NRCAM: variants seen among roughly 807,000 people sequenced by gnomAD.
NRCAM encodes the protein NgCAM-related cell adhesion molecule.
NRCAM carries 83 observed loss-of-function variants against 156.5 expected under a neutral mutation model. The observed-to-expected ratio is 0.53, with a 90% CI of 0.44 to 0.64. NRCAM has a LOEUF of 0.64. Among genes scored for constraint, NRCAM ranks in the 30% least tolerant of loss-of-function variants. NRCAM has a pLI of 0.00. For missense variants in NRCAM, 1,417 were observed against 1,597.3 expected (o/e 0.89, Z 1.92); for synonymous variants, 538 against 563.9 (o/e 0.95, Z 0.65).
At chr7:108,177,948 T>A (rs1419737102) in intron 26 of NRCAM, 42 bp downstream of exon 26, 4 of 1,548,562 alleles carry the variant, frequency 2.6e-6, no homozygotes, top group Non-Finnish European at 3.5e-6. Context: ...ATAAATAAAA[T>A]AAAAAAACAT....
chr7:108,289,162 C>A (rs1198714564), intron 3 of NRCAM, among the ~76,000 whole-genome samples: 1 of 152,046 alleles, frequency 6.6e-6, no homozygotes, highest in South Asian at 2.1e-4. Context: ...ATTAAAAATC[C>A]TTTATACACT....
In NRCAM at chr7:108,147,974, G is replaced by A. The variant is rs2039657511; in HGVS notation, c.*1936C>T. The A allele has an allele frequency of 6.6e-6, 1 of 152,546 alleles. No individual in the cohort carries two copies. The highest frequency in any genetic ancestry group is 6.5e-5 in the Admixed American group (1 of 15,272). The allele number at this position is 152,546 out of a possible 1,614,324, so 9.4% of individuals were successfully genotyped here. ...TCTGATGCCAAGGCAAACCTGTTTT[G>A]TCTTTTTATATTTTCAAGAGACAGG... is the stretch of plus-strand genomic sequence containing the variant. On this transcript the variant is annotated 3_prime_UTR_variant, in exon 33 of 33. Transcript: ENST00000379028.
intron 1 of NRCAM, among the ~76,000 whole-genome samples, chr7:108,436,947 T>C (rs1563805168): frequency 6.6e-6 from 1 of 152,272 alleles, no homozygotes; most frequent in East Asian, 1.9e-4. Context: ...ATCAGTATAT[T>C]GAAGAGATAT....
chr7:108,429,254 C>T lies in NRCAM; in HGVS notation c.-332+26989G>A, dbSNP rs370145691. 1.5e-4 allele frequency among the ~76,000 whole-genome samples: 23 copies of T among 152,158 alleles called. 1 individual carries two copies. In the East Asian group the frequency reaches 2.5e-3, roughly 17 times the overall value. On this transcript the variant is annotated intron_variant, in intron 1 of 32. Coordinates refer to ENST00000379028, the MANE Select transcript of NRCAM (RefSeq NM_001037132.4). ...TCACCCAGGCTGGAGTGCAATGGCACGATCTTGGCTCACTGCAACCTCTGC... is the reference window on the plus strand; with the variant it reads ...TCACCCAGGCTGGAGTGCAATGGCATGATCTTGGCTCACTGCAACCTCTGC...
chr7:108,351,502 G>A (rs1219150067), intron 2 of NRCAM, among the ~76,000 whole-genome samples: 1 of 152,200 alleles, frequency 6.6e-6, no homozygotes, highest in Non-Finnish European at 1.5e-5. Context: ...GTAGATGCAA[G>A]AAGCAACAGC....
intron 10 of NRCAM, among the ~76,000 whole-genome samples, chr7:108,225,388 A>G (rs1028424897): frequency 6.6e-6 from 1 of 152,198 alleles, no homozygotes. Context: ...GGTTTTTCCA[A>G]ATCAGTGAAA....
In NRCAM at chr7:108,373,404, T is replaced by C. The variant is rs183167253; in HGVS notation, c.-174+26032A>G. ...TAATGTGAAAGGCTGCTTCAAAAAA[T>C]GGCACAAGGACATGGATATGAAATG... On this transcript the variant is annotated intron_variant, in intron 2 of 32. Coordinates refer to ENST00000379028, the MANE Select transcript of NRCAM (RefSeq NM_001037132.4). Among the ~76,000 whole-genome samples the C allele has an allele frequency of 3.9e-5, 6 of 152,266 alleles. No individual in the cohort carries two copies. The East Asian group carries it at 1.2e-3, about 29-fold the overall frequency.
intron 7 of NRCAM, among the ~76,000 whole-genome samples, chr7:108,231,564 C>T (rs113409793): frequency 6.6e-6 from 1 of 152,178 alleles, no homozygotes; most frequent in African/African-American, 2.4e-5. Context: ...TATAAGATCG[C>T]TATGGGAATA....
At chr7:108,371,860 G>GA (rs2099630790) in intron 2 of NRCAM, among the ~76,000 whole-genome samples, 1 of 152,026 alleles carries the variant, frequency 6.6e-6, no homozygotes. Context: ...AACAGAAATA[G>GA]AAAAAACAAT....
rs190445424 is a variant in NRCAM, at chr7:108,397,481, T to C, written c.-174+1955A>G. 7.2e-5 allele frequency among the ~76,000 whole-genome samples: 11 copies of C among 152,276 alleles called. No homozygotes were observed. The East Asian group carries it at 1.9e-3, about 27-fold the overall frequency. ...ATGAATTTCAGCAGTCTGACTTGGG[T>C]GGACTTGCTCTCAAACAGTGCAGGC... On this transcript the variant is annotated intron_variant, in intron 2 of 32. Coordinates refer to ENST00000379028, the MANE Select transcript of NRCAM (RefSeq NM_001037132.4).
intron 2 of NRCAM, among the ~76,000 whole-genome samples, chr7:108,347,687 G>A (rs13242951): frequency 1.0e-3 from 153 of 152,104 alleles, no homozygotes; most frequent in African/African-American, 1.7e-3. Flanking sequence ...AGGGATCCAG[G>A]ATATGCCTGA....
intron 3 of NRCAM, among the ~76,000 whole-genome samples, chr7:108,282,857 C>T (rs2154094816): frequency 6.6e-6 from 1 of 152,340 alleles, no homozygotes; most frequent in East Asian, 1.9e-4. Flanking sequence ...AGTTCTCAAA[C>T]TCTACTGCAC....
chr7:108,425,625 A>G (rs1816223311), intron 1 of NRCAM, among the ~76,000 whole-genome samples: 1 of 152,246 alleles, frequency 6.6e-6, no homozygotes, highest in South Asian at 2.1e-4. Flanking sequence ...ATATTTAAAC[A>G]TACTTTCATC....
intron 1 of NRCAM, among the ~76,000 whole-genome samples, chr7:108,421,524 A>C (rs1425258666): frequency 1.3e-5 from 2 of 152,240 alleles, no homozygotes; most frequent in African/African-American, 4.8e-5. Flanking sequence ...ATTTTGTAGA[A>C]GGAAAAGTAT....
chr7:108,187,703 G>A (rs530777386), intron 20 of NRCAM, among the ~76,000 whole-genome samples: 18 of 152,262 alleles, frequency 1.2e-4, no homozygotes, highest in African/African-American at 4.3e-4. Context: ...TGTAATCCCA[G>A]CACTTTGGGA....
intron 2 of NRCAM, among the ~76,000 whole-genome samples, chr7:108,330,820 T>G (rs1229320490): frequency 6.6e-6 from 1 of 152,144 alleles, no homozygotes; most frequent in African/African-American, 2.4e-5. Context: ...TCATCTGGTT[T>G]AACACACTCT....
chr7:108,293,276 G>C (rs566531942), intron 3 of NRCAM, among the ~76,000 whole-genome samples: 1 of 152,128 alleles, frequency 6.6e-6, no homozygotes, highest in East Asian at 1.9e-4. Context: ...TCCAGCGGGC[G>C]ATCACGGCTT....
At chr7:108,391,599 G>A (rs1433415190) in intron 2 of NRCAM, among the ~76,000 whole-genome samples, 1 of 152,112 alleles carries the variant, frequency 6.6e-6, no homozygotes, top group Non-Finnish European at 1.5e-5. Context: ...TGTTATGTGT[G>A]AATTTGATCC....
chr7:108,284,572 C>A (rs2098003828), intron 3 of NRCAM, among the ~76,000 whole-genome samples: 1 of 152,192 alleles, frequency 6.6e-6, no homozygotes, highest in Non-Finnish European at 1.5e-5. Flanking sequence ...TTGACACTTG[C>A]TCACTTCTGT....
Sources: gnomAD v4.1 joint callset for allele counts (sites outside exome capture counted in the v4.1 genomes callset) on GRCh38, gnomAD v4.1.1 for gene constraint, MANE v1.5 for transcripts, NCBI Gene and HGNC (gene_info 2026-07-23, HGNC 2026-07-21) for gene names.